Variants in LYPLAL1 observed in about 807,000 individuals in gnomAD.
LYPLAL1 encodes lysophospholipase-like protein 1.
A neutral mutation model predicts 19.7 loss-of-function variants in LYPLAL1; 23 were observed. The ratio of observed to expected loss-of-function variants is 1.17; its 90% CI spans 0.84 to 1.65. LYPLAL1 has a LOEUF of 1.65. Ranked by LOEUF, LYPLAL1 falls within the 40% of genes most tolerant of loss-of-function variation. The pLI is 0.00. For missense variants in LYPLAL1, 355 were observed against 279.4 expected (o/e 1.27, Z -1.93); for synonymous variants, 119 against 96.3 (o/e 1.24, Z -1.38).
chr1:219,271,378 A>T, the LYPLAL1 span: 1 of 131,246 alleles, frequency 7.6e-6, no homozygotes, highest in African/African-American at 2.7e-5. Context: ...ATGCTGGTTG[A>T]AGTGTTTTTT....
chr1:219,403,744 AT>A, the LYPLAL1 span, among the ~76,000 whole-genome samples: 1 of 152,142 alleles, frequency 6.6e-6, no homozygotes, highest in East Asian at 1.9e-4. Flanking sequence ...CTTTATTTCT[AT>A]TTTTCAAAAT....
At chr1:219,352,473 G>A in the LYPLAL1 span, among the ~76,000 whole-genome samples, 2 of 152,092 alleles carry the variant, frequency 1.3e-5, no homozygotes, top group Non-Finnish European at 2.9e-5. Flanking sequence ...AGCCGAGATC[G>A]CGCCACTGCA....
chr1:219,402,195 A>G, the LYPLAL1 span, among the ~76,000 whole-genome samples: 1 of 152,190 alleles, frequency 6.6e-6, no homozygotes. Context: ...TTCTGTTTGG[A>G]AAATATGAAA....
chr1:219,444,632 C>T, the LYPLAL1 span, among the ~76,000 whole-genome samples: 267 of 152,330 alleles, frequency 1.8e-3, 5 homozygotes, highest in East Asian at 0.043. Context: ...GAATAGCTGA[C>T]GTCTTACCAG....
intron 2 of LYPLAL1, 87 bp from the exon 3 acceptor site, chr1:219,192,995 A>G: frequency 3.0e-6 from 4 of 1,321,758 alleles, no homozygotes; most frequent in Admixed American, 2.6e-5. Flanking sequence ...CATTTATTCA[A>G]AACACTATTA....
chr1:219,311,655 A>G, the LYPLAL1 span, among the ~76,000 whole-genome samples: 2 of 152,138 alleles, frequency 1.3e-5, no homozygotes, highest in African/African-American at 4.8e-5. Flanking sequence ...ACAAGATAAA[A>G]GGCTTAAATA....
the LYPLAL1 span, among the ~76,000 whole-genome samples, chr1:219,415,426 A>C: frequency 6.6e-6 from 1 of 152,258 alleles, no homozygotes; most frequent in African/African-American, 2.4e-5. Flanking sequence ...AGGCAAGTGT[A>C]TAAAATTATT....
chr1:219,418,659 T>A, the LYPLAL1 span, among the ~76,000 whole-genome samples: 1 of 152,162 alleles, frequency 6.6e-6, no homozygotes, highest in Non-Finnish European at 1.5e-5. Context: ...TCACCCAAAA[T>A]CCACAGTTTA....
At chr1:219,409,353 G>A in the LYPLAL1 span, among the ~76,000 whole-genome samples, 1 of 151,982 alleles carries the variant, frequency 6.6e-6, no homozygotes, top group Non-Finnish European at 1.5e-5. Context: ...GGAGGCTGAG[G>A]TGGGAGGAAC....
the LYPLAL1 span, among the ~76,000 whole-genome samples, chr1:219,340,738 A>G: frequency 6.6e-6 from 1 of 152,066 alleles, no homozygotes; most frequent in Non-Finnish European, 1.5e-5. Flanking sequence ...TTTCCCATTT[A>G]CACTGAGTAA....
chr1:219,227,802 C>T, the LYPLAL1 span, among the ~76,000 whole-genome samples: 1,153 of 152,310 alleles, frequency 7.6e-3, 4 homozygotes, highest in South Asian at 0.023. Context: ...ATAACTTATT[C>T]CGTATTGTCT....
chr1:219,432,652 C>T, the LYPLAL1 span, among the ~76,000 whole-genome samples: 1 of 152,200 alleles, frequency 6.6e-6, no homozygotes, highest in Non-Finnish European at 1.5e-5. Flanking sequence ...CACAGGGAAT[C>T]AGAGGGTCTC....
At chr1:219,302,277 T>G in the LYPLAL1 span, among the ~76,000 whole-genome samples, 1 of 152,230 alleles carries the variant, frequency 6.6e-6, no homozygotes, top group Non-Finnish European at 1.5e-5. Flanking sequence ...TTACATTGCC[T>G]AAATTAGTAT....
At chr1:219,209,119 G>C (rs1247391037) in intron 3 of LYPLAL1, among the ~76,000 whole-genome samples, 1 of 152,026 alleles carries the variant, frequency 6.6e-6, no homozygotes, top group African/African-American at 2.4e-5. Flanking sequence ...GAGTTATTGG[G>C]GGTATTTTGA....
At chr1:219,287,678 G>C in the LYPLAL1 span, among the ~76,000 whole-genome samples, 110 of 152,298 alleles carry the variant, frequency 7.2e-4, 1 homozygote, top group Admixed American at 2.0e-3. Context: ...AATTTGGAAA[G>C]TTTCTTACCA....
chr1:219,186,193 A>G (rs1316031775), intron 2 of LYPLAL1, among the ~76,000 whole-genome samples: 2 of 151,700 alleles, frequency 1.3e-5, no homozygotes, highest in Non-Finnish European at 2.9e-5. Context: ...TCATTTCATT[A>G]TTATTAGAGA....
At chr1:219,193,947 G>A (rs1354885107) in intron 3 of LYPLAL1, among the ~76,000 whole-genome samples, 1 of 151,798 alleles carries the variant, frequency 6.6e-6, no homozygotes, top group African/African-American at 2.4e-5. Context: ...AAATTAAAAA[G>A]CAAATTAAGT....
At chr1:219,210,727 C>A in intron 4 of LYPLAL1, 80 bp downstream of exon 4, 2 of 1,288,276 alleles carry the variant, frequency 1.6e-6, no homozygotes, top group Non-Finnish European at 1.1e-6. Flanking sequence ...GGTAATAAAG[C>A]TGTAAAACAC....
At chr1:219,258,248 A>G in the LYPLAL1 span, among the ~76,000 whole-genome samples, 63 of 152,194 alleles carry the variant, frequency 4.1e-4, no homozygotes, top group African/African-American at 1.5e-3. Context: ...CAGTTAATGC[A>G]ATCATCACAG....
Sources: gnomAD v4.1 joint callset for allele counts (sites outside exome capture counted in the v4.1 genomes callset) on GRCh38, gnomAD v4.1.1 for gene constraint, MANE v1.5 for transcripts, NCBI Gene and HGNC (gene_info 2026-07-23, HGNC 2026-07-21) for gene names.